Variants in LRMDA observed in about 807,000 individuals in gnomAD.
The protein encoded by LRMDA is leucine-rich melanocyte differentiation-associated protein.
In LRMDA, 18 loss-of-function variants were observed where a neutral mutation model predicts 29.8. The ratio of observed to expected loss-of-function variants is 0.60; its 90% confidence interval spans 0.42 to 0.90. The LOEUF is 0.90. Ranked by LOEUF, LRMDA falls within the 40% of genes least tolerant of loss-of-function variation. The pLI, the probability that LRMDA is intolerant of heterozygous loss-of-function variation, is 0.00. For missense variants in LRMDA, 273 were observed against 273.9 expected (o/e 1.00, Z 0.02); for synonymous variants, 125 against 109.4 (o/e 1.14, Z -0.89).
At chr10:75,683,375 G>C (rs540867972) in intron 2 of LRMDA, among the ~76,000 whole-genome samples, 16 of 152,156 alleles carry the variant, frequency 1.1e-4, no homozygotes, top group Non-Finnish European at 2.1e-4. Context: ...TGCAGATTTG[G>C]CAAGGGCTTT....
intron 5 of LRMDA, among the ~76,000 whole-genome samples, chr10:76,138,421 C>G (rs1850136143): frequency 6.6e-6 from 1 of 152,168 alleles, no homozygotes; most frequent in Admixed American, 6.5e-5. Context: ...TTGCCTATTT[C>G]TACTTCACTA....
intron 2 of LRMDA, among the ~76,000 whole-genome samples, chr10:75,589,181 T>G (rs868187245): frequency 3.9e-5 from 6 of 152,328 alleles, no homozygotes; most frequent in Middle Eastern, 3.4e-3. Flanking sequence ...ATTGCCAAAT[T>G]GTACTCCTCA....
intron 2 of LRMDA, among the ~76,000 whole-genome samples, chr10:75,746,215 A>T (rs1454626666): frequency 6.6e-6 from 1 of 152,184 alleles, no homozygotes; most frequent in African/African-American, 2.4e-5. Flanking sequence ...CTCCACAAAC[A>T]TTAGTTAAGA....
At chr10:76,083,244 A>G (rs1000194960) in intron 5 of LRMDA, among the ~76,000 whole-genome samples, 2 of 151,944 alleles carry the variant, frequency 1.3e-5, no homozygotes, top group Non-Finnish European at 2.9e-5. Context: ...TGGCTCCTAC[A>G]CTCTAGGAGA....
At chr10:75,813,035 A>G (rs1044944210) in intron 2 of LRMDA, among the ~76,000 whole-genome samples, 1 of 152,162 alleles carries the variant, frequency 6.6e-6, no homozygotes, top group Non-Finnish European at 1.5e-5. Context: ...AGCTTCCTAG[A>G]TGAGAGTTAC....
intron 5 of LRMDA, among the ~76,000 whole-genome samples, chr10:76,323,974 C>T (rs1304374892): frequency 1.3e-5 from 2 of 152,282 alleles, no homozygotes; most frequent in East Asian, 3.9e-4. Context: ...GGAAGTCAGC[C>T]CTGGTTTTCC....
chr10:76,267,556 G>A lies in LRMDA; in HGVS notation c.517-56845G>A, dbSNP rs144132637. On this transcript the variant is annotated intron_variant, in intron 5 of 6. Coordinates refer to ENST00000611255, the MANE Select transcript of LRMDA (RefSeq NM_001305581.2). ...GAATTTGCCTGTCTGCTTCATGTAA[G>A]TGGAATCATGCAATATCTGTCCTTT... Among the ~76,000 whole-genome samples the A allele has an allele frequency of 5.3e-3, 805 of 152,242 alleles. 10 individuals are homozygous for A. The highest frequency in any genetic ancestry group is 0.018 in the African/African-American group (759 of 41,560).
chr10:76,539,062 T>C (rs1843323651), intron 6 of LRMDA, among the ~76,000 whole-genome samples: 1 of 152,172 alleles, frequency 6.6e-6, no homozygotes, highest in South Asian at 2.1e-4. Flanking sequence ...TATAATAGCG[T>C]CTATTTTAAA....
rs1225898175 is a variant in LRMDA, at chr10:76,513,897, G to A, written c.602-43312G>A. Reference sequence around the variant, plus strand: ...CAGGGTGACTGTTTGTGACACAATGGCACCCAAAGGGTCCATGTATTACAT... The same window carrying A: ...CAGGGTGACTGTTTGTGACACAATGACACCCAAAGGGTCCATGTATTACAT... On this transcript the variant is annotated intron_variant, in intron 6 of 6. Transcript: ENST00000611255. 2.0e-5 allele frequency among the ~76,000 whole-genome samples: 3 copies of A among 152,074 alleles called. No individual in the cohort carries two copies. In the East Asian group the frequency reaches 5.8e-4, roughly 29 times the overall value.
chr10:75,865,818 T>A (rs540135280), intron 2 of LRMDA, among the ~76,000 whole-genome samples: 4 of 152,334 alleles, frequency 2.6e-5, no homozygotes, highest in African/African-American at 9.6e-5. Context: ...ATCATTATCA[T>A]GTACTACCAT....
intron 6 of LRMDA, among the ~76,000 whole-genome samples, chr10:76,472,043 A>G (rs1284630651): frequency 6.6e-6 from 1 of 151,796 alleles, no homozygotes. Context: ...TCAAGGAAAT[A>G]GAAGACTTGG....
chr10:75,449,819 G>A (rs1844439407), intron 2 of LRMDA, among the ~76,000 whole-genome samples: 1 of 152,136 alleles, frequency 6.6e-6, no homozygotes, highest in East Asian at 1.9e-4. Context: ...GGGACAAATG[G>A]CTCAACAACT....
At chr10:76,272,628 C>A (rs1840081982) in intron 5 of LRMDA, among the ~76,000 whole-genome samples, 1 of 152,252 alleles carries the variant, frequency 6.6e-6, no homozygotes, top group South Asian at 2.1e-4. Context: ...GGCCTATTCC[C>A]CAGAATATAC....
chr10:76,199,153 T>C (rs757931219), intron 5 of LRMDA, among the ~76,000 whole-genome samples: 1 of 152,210 alleles, frequency 6.6e-6, no homozygotes, highest in African/African-American at 2.4e-5. Context: ...GTCGTTCTAA[T>C]ATTAAATTTT....
chr10:75,834,881 C>A (rs1844406826), intron 2 of LRMDA, among the ~76,000 whole-genome samples: 1 of 152,166 alleles, frequency 6.6e-6, no homozygotes, highest in African/African-American at 2.4e-5. Flanking sequence ...GAGTCTTCAC[C>A]AGCGGAGTCA....
intron 5 of LRMDA, among the ~76,000 whole-genome samples, chr10:76,068,471 A>G (rs1462327549): frequency 6.6e-6 from 1 of 152,208 alleles, no homozygotes; most frequent in African/African-American, 2.4e-5. Flanking sequence ...ACCTCAGATC[A>G]TCAGGCATTA....
intron 2 of LRMDA, among the ~76,000 whole-genome samples, chr10:75,732,623 G>A (rs1449761244): frequency 2.0e-5 from 3 of 152,160 alleles, no homozygotes; most frequent in African/African-American, 7.2e-5. Context: ...TCTCTTGTGT[G>A]CTGAGTATCC....
At chr10:76,430,801 G>A (rs185837936) in intron 6 of LRMDA, among the ~76,000 whole-genome samples, 1 of 152,282 alleles carries the variant, frequency 6.6e-6, no homozygotes, top group Admixed American at 6.5e-5. Context: ...TTCAGATAGG[G>A]TCAGTGAGTG....
chr10:76,179,977 C>G (rs187066229), intron 5 of LRMDA, among the ~76,000 whole-genome samples: 1 of 152,280 alleles, frequency 6.6e-6, no homozygotes, highest in East Asian at 1.9e-4. Context: ...CCAGTCATCT[C>G]CAGAGCAGTG....
Sources: gnomAD v4.1 joint callset for allele counts (sites outside exome capture counted in the v4.1 genomes callset) on GRCh38, gnomAD v4.1.1 for gene constraint, MANE v1.5 for transcripts, NCBI Gene and HGNC (gene_info 2026-07-23, HGNC 2026-07-21) for gene names.